CSMD1: variants seen among roughly 807,000 people sequenced by gnomAD.
CSMD1 encodes the protein CUB and sushi domain-containing protein 1.
A neutral mutation model predicts 417.5 loss-of-function variants in CSMD1; 213 were observed. The ratio of observed to expected loss-of-function variants is 0.51; its 90% CI spans 0.46 to 0.57. The LOEUF is 0.57. CSMD1 is among the 20% of genes least tolerant of loss of function. The pLI, the probability that CSMD1 is intolerant of heterozygous loss-of-function variation, is 0.00. For missense variants in CSMD1, 6,923 were observed against 4,529.7 expected (o/e 1.53, Z -15.17); for synonymous variants, 2,862 against 1,736.8 (o/e 1.65, Z -16.11).
chr8:3,659,042 C>T lies in CSMD1; in HGVS notation c.1010-42245G>A, dbSNP rs193042902. The stretch of plus-strand genomic sequence containing the variant: ...GAGCAGTGTCATTTAATTAACACGG[C>T]GCCATTGCATCTACTTGAAATTAGT... On this transcript the variant is annotated intron_variant, in intron 7 of 69. Transcript: ENST00000635120. Among the ~76,000 whole-genome samples the T allele has an allele frequency of 2.1e-3, 317 of 152,230 alleles. 1 individual carries two copies. Among genetic ancestry groups the T allele is most frequent in the South Asian group, 0.012 (58 of 4,822 alleles).
Position 4,515,874 on chromosome 8 carries a change from C to T in CSMD1, c.303-95809G>A, listed in dbSNP as rs371249665. Among the ~76,000 whole-genome samples, 23 of 152,278 alleles carry T rather than the reference C, an allele frequency of 1.5e-4. No individual in the cohort carries two copies. In the East Asian group the frequency reaches 3.5e-3, roughly 23 times the overall value. The stretch of plus-strand genomic sequence containing the variant: ...CTCATAAGCCTGCTGGCACCAAACT[C>T]AAATTTTACACATCCAATTATTTTA... On this transcript the variant is annotated intron_variant, in intron 2 of 69. Coordinates refer to ENST00000635120, the MANE Select transcript of CSMD1 (RefSeq NM_033225.6).
intron 3 of CSMD1, among the ~76,000 whole-genome samples, chr8:4,408,555 T>C (rs1382560345): frequency 6.6e-6 from 1 of 152,220 alleles, no homozygotes; most frequent in Non-Finnish European, 1.5e-5. Flanking sequence ...TAGATTTATA[T>C]TACTCTGATT....
At chr8:3,360,237 C>G (rs887282150) in intron 20 of CSMD1, among the ~76,000 whole-genome samples, 1 of 152,170 alleles carries the variant, frequency 6.6e-6, no homozygotes, top group African/African-American at 2.4e-5. Flanking sequence ...GAAGGAAGTG[C>G]TAAATATAAA....
chr8:4,258,377 A>G (rs188856379), intron 3 of CSMD1, among the ~76,000 whole-genome samples: 24 of 4,884 alleles, frequency 4.9e-3, no homozygotes, highest in East Asian at 0.033. Context: ...GAGGGAGGGA[A>G]GGAGGGAGGG....
intron 3 of CSMD1, among the ~76,000 whole-genome samples, chr8:4,248,423 C>T (rs1802842343): frequency 6.6e-6 from 1 of 152,094 alleles, no homozygotes; most frequent in Admixed American, 6.5e-5. Flanking sequence ...AGAAGAGAGC[C>T]CGTCCACTTG....
At chr8:4,755,391 C>G (rs115062496) in intron 1 of CSMD1, among the ~76,000 whole-genome samples, 1 of 152,132 alleles carries the variant, frequency 6.6e-6, no homozygotes, top group East Asian at 1.9e-4. Flanking sequence ...GCTGCTTTCT[C>G]CTGAAATACT....
chr8:3,616,404 G>A (rs985351687), intron 8 of CSMD1, among the ~76,000 whole-genome samples: 20 of 152,114 alleles, frequency 1.3e-4, no homozygotes, highest in Non-Finnish European at 2.4e-4. Context: ...ATGATTGTAA[G>A]TTTCCTGAGA....
intron 4 of CSMD1, among the ~76,000 whole-genome samples, chr8:4,018,146 T>C (rs1796613228): frequency 6.6e-6 from 1 of 152,200 alleles, no homozygotes; most frequent in Non-Finnish European, 1.5e-5. Context: ...TTTTATGTCT[T>C]TTTTCAAAGA....
chr8:3,995,997 T>C (rs1015261219), intron 5 of CSMD1, among the ~76,000 whole-genome samples: 6 of 152,200 alleles, frequency 3.9e-5, no homozygotes, highest in African/African-American at 1.4e-4. Flanking sequence ...TGGCTATCTG[T>C]GCTGATACTC....
intron 2 of CSMD1, among the ~76,000 whole-genome samples, chr8:4,623,629 TG>T (rs1801906514): frequency 6.6e-6 from 1 of 152,142 alleles, no homozygotes; most frequent in South Asian, 2.1e-4. Context: ...AGCTGTATAT[TG>T]GAATTCTGCT....
At chr8:3,645,250 G>T (rs1450792392) in intron 7 of CSMD1, among the ~76,000 whole-genome samples, 6 of 152,142 alleles carry the variant, frequency 3.9e-5, no homozygotes, top group African/African-American at 1.4e-4. Flanking sequence ...CAACCATGCA[G>T]TAAGTGTTCA....
chr8:4,092,597 T>A (rs998966792), intron 3 of CSMD1, among the ~76,000 whole-genome samples: 1 of 152,184 alleles, frequency 6.6e-6, no homozygotes, highest in African/African-American at 2.4e-5. Context: ...AATTAGCATA[T>A]CATCTTAAGC....
chr8:4,468,449 CAAACCTTATGATTT>C (rs1211926530), intron 2 of CSMD1, among the ~76,000 whole-genome samples: 1 of 152,214 alleles, frequency 6.6e-6, no homozygotes, highest in African/African-American at 2.4e-5. Flanking sequence ...GCCAAAACTT[CAAACCTTATGATTT>C]AAGCTCTTGA....
At chr8:4,611,001 C>G (rs937133929) in intron 2 of CSMD1, among the ~76,000 whole-genome samples, 2 of 152,012 alleles carry the variant, frequency 1.3e-5, no homozygotes, top group African/African-American at 2.4e-5. Flanking sequence ...AAATAGCAGC[C>G]CTTTTTCCCT....
chr8:4,183,000 A>G (rs968923130), intron 3 of CSMD1, among the ~76,000 whole-genome samples: 24 of 152,180 alleles, frequency 1.6e-4, no homozygotes, highest in African/African-American at 1.7e-4. Flanking sequence ...TCTTTCAAGT[A>G]AAGAGTAATT....
chr8:3,860,653 G>A (rs971664661), intron 5 of CSMD1, among the ~76,000 whole-genome samples: 5 of 152,154 alleles, frequency 3.3e-5, no homozygotes, highest in Admixed American at 6.5e-5. Flanking sequence ...ACCATAATCC[G>A]GTTAATTATT....
intron 5 of CSMD1, among the ~76,000 whole-genome samples, chr8:3,968,571 G>C (rs750387847): frequency 2.0e-5 from 3 of 152,106 alleles, no homozygotes; most frequent in African/African-American, 7.2e-5. Flanking sequence ...CAATAACCAA[G>C]AGAACAGGTG....
At chr8:4,285,829 T>A (rs1372187998) in intron 3 of CSMD1, among the ~76,000 whole-genome samples, 1 of 152,216 alleles carries the variant, frequency 6.6e-6, no homozygotes, top group Non-Finnish European at 1.5e-5. Flanking sequence ...AGATCATGTG[T>A]CCTTGGCTAT....
chr8:3,821,890 G>T (rs1801757049), intron 5 of CSMD1, among the ~76,000 whole-genome samples: 1 of 152,164 alleles, frequency 6.6e-6, no homozygotes, highest in African/African-American at 2.4e-5. Flanking sequence ...TAAAAACCAT[G>T]AACTGTGCTT....
Sources: gnomAD v4.1 joint callset for allele counts (sites outside exome capture counted in the v4.1 genomes callset) on GRCh38, gnomAD v4.1.1 for gene constraint, MANE v1.5 for transcripts, NCBI Gene and HGNC (gene_info 2026-07-23, HGNC 2026-07-21) for gene names.